The following ATP2B1 variants were observed in gnomAD, a reference collection of about 807,000 sequenced individuals.
The protein encoded by ATP2B1 is ATPase plasma membrane Ca2+ transporting 1.
A neutral mutation model predicts 124.2 loss-of-function variants in ATP2B1; 14 were observed. The ratio of observed to expected loss-of-function variants is 0.11; its 90% confidence interval spans 0.07 to 0.18. ATP2B1 has a LOEUF of 0.18. Ranked by LOEUF, ATP2B1 falls within the 10% of genes least tolerant of loss-of-function variation. ATP2B1 has a pLI of 1.00. For missense variants in ATP2B1, 763 were observed against 1,466.1 expected, an observed-to-expected ratio of 0.52 and a Z score of 7.83; for synonymous variants, 449 against 492.4, an observed-to-expected ratio of 0.91 and a Z score of 1.17.
intron 1 of ATP2B1, among the ~76,000 whole-genome samples, chr12:89,698,167 C>T (rs956308283): frequency 1.3e-5 from 2 of 152,174 alleles, no homozygotes; most frequent in African/African-American, 2.4e-5. Context: ...AACACAAATG[C>T]TTCCTAAAGT....
intron 15 of ATP2B1, among the ~76,000 whole-genome samples, chr12:89,607,318 G>A (rs899539157): frequency 3.9e-5 from 6 of 152,058 alleles, no homozygotes; most frequent in East Asian, 1.9e-4. Context: ...TACATAATTC[G>A]CTGATGAATG....
intron 1 of ATP2B1, among the ~76,000 whole-genome samples, chr12:89,661,362 G>C (rs1886675908): frequency 6.6e-6 from 1 of 152,066 alleles, no homozygotes; most frequent in South Asian, 2.1e-4. Context: ...TGGTTACAAA[G>C]CAAAGAATTC....
At chr12:89,610,950 A>G (rs1209950626) in intron 13 of ATP2B1, among the ~76,000 whole-genome samples, 1 of 152,132 alleles carries the variant, frequency 6.6e-6, no homozygotes, top group Non-Finnish European at 1.5e-5. Flanking sequence ...AAATTGGCCT[A>G]GATTCACTGC....
chr12:89,660,368 C>A (rs1483948445), intron 1 of ATP2B1, among the ~76,000 whole-genome samples: 1 of 152,142 alleles, frequency 6.6e-6, no homozygotes, highest in Non-Finnish European at 1.5e-5. Flanking sequence ...AGTATGGCCT[C>A]TTACATTTAA....
intron 1 of ATP2B1, among the ~76,000 whole-genome samples, chr12:89,673,787 T>C (rs1888279776): frequency 6.6e-6 from 1 of 152,156 alleles, no homozygotes; most frequent in Non-Finnish European, 1.5e-5. Flanking sequence ...ATGAGGTAAT[T>C]AGGAAATGTT....
chr12:89,608,976 A>G (rs1392476511), intron 15 of ATP2B1, among the ~76,000 whole-genome samples: 1 of 152,196 alleles, frequency 6.6e-6, no homozygotes, highest in Non-Finnish European at 1.5e-5. Flanking sequence ...AAATTTACCC[A>G]TAATTTCCTT....
chr12:89,666,710 C>T (rs1887355610), intron 1 of ATP2B1, among the ~76,000 whole-genome samples: 1 of 152,190 alleles, frequency 6.6e-6, no homozygotes, highest in South Asian at 2.1e-4. Context: ...GTTCTTAGTT[C>T]CATCAGAATT....
intron 3 of ATP2B1, among the ~76,000 whole-genome samples, chr12:89,637,034 G>A (rs1277839585): frequency 1.3e-5 from 2 of 152,208 alleles, no homozygotes; most frequent in African/African-American, 4.8e-5. Flanking sequence ...AGAATCAGAT[G>A]ATAGAACACC....
At chr12:89,595,950 C>T (rs1874508894) in intron 20 of ATP2B1, among the ~76,000 whole-genome samples, 1 of 152,058 alleles carries the variant, frequency 6.6e-6, no homozygotes, top group Non-Finnish European at 1.5e-5. Flanking sequence ...ATCTGCTCCC[C>T]TAGCCACATG....
chr12:89,627,631 G>C (rs756263859), intron 7 of ATP2B1, 47 bp downstream of exon 7: 2 of 1,589,342 alleles, frequency 1.3e-6, no homozygotes, highest in Non-Finnish European at 1.7e-6. Context: ...TAGATTTTTG[G>C]ATATAATGAA....
intron 5 of ATP2B1, among the ~76,000 whole-genome samples, chr12:89,633,059 G>T (rs774866751): frequency 6.6e-6 from 1 of 152,190 alleles, no homozygotes; most frequent in Non-Finnish European, 1.5e-5. Flanking sequence ...TGGTTAATCT[G>T]TGATGGTAAG....
chr12:89,677,965 TATATATACACACACACACACACACACAC>T lies in ATP2B1; in HGVS notation c.-221-21886_-221-21859del, dbSNP rs779937067. Among the ~76,000 whole-genome samples, 14 of 112,078 alleles carry T rather than the reference TATATATACACACACACACACACACACAC, an allele frequency of 1.2e-4. 1 individual carries two copies. Among genetic ancestry groups the T allele is most frequent in the Admixed American group, 1.8e-4 (2 of 11,312 alleles). 73.5% of individuals were successfully genotyped at this position (112,078 alleles called of 152,430 possible). ...GGGGCATGCAGGAATTATATATATA[TATATATACACACACACACACACACACAC>T]ACACACACACACACACACACACACA... is the stretch of plus-strand genomic sequence containing the variant. On this transcript the variant is annotated intron_variant, in intron 1 of 20. Coordinates refer to ENST00000428670, the MANE Select transcript of ATP2B1 (RefSeq NM_001366521.1).
At chr12:89,699,426 A>G (rs1332794060) in intron 1 of ATP2B1, among the ~76,000 whole-genome samples, 1 of 152,248 alleles carries the variant, frequency 6.6e-6, no homozygotes, top group African/African-American at 2.4e-5. Flanking sequence ...CGTCAAAATG[A>G]TGACAAAGTA....
At chr12:89,688,723 C>G (rs1890229165) in intron 1 of ATP2B1, among the ~76,000 whole-genome samples, 1 of 151,990 alleles carries the variant, frequency 6.6e-6, no homozygotes, top group Non-Finnish European at 1.5e-5. Flanking sequence ...GGGCTTTGAT[C>G]CTTACTGCAG....
chr12:89,625,978 CT>C (rs759510600), intron 8 of ATP2B1, among the ~76,000 whole-genome samples: 9 of 152,134 alleles, frequency 5.9e-5, no homozygotes, highest in Non-Finnish European at 8.8e-5. Context: ...TAAAGAATGG[CT>C]GTATTAACAG....
chr12:89,648,827 T>C (rs560683541), intron 2 of ATP2B1, among the ~76,000 whole-genome samples: 19 of 152,376 alleles, frequency 1.2e-4, no homozygotes, highest in Middle Eastern at 6.8e-3. Context: ...GGTGCAGCTG[T>C]CCTGCTCAGC....
chr12:89,614,785 A>G (rs2136033872), intron 12 of ATP2B1, among the ~76,000 whole-genome samples: 1 of 152,270 alleles, frequency 6.6e-6, no homozygotes, highest in South Asian at 2.1e-4. Context: ...ATCCAAACCC[A>G]ACATATTACT....
At chr12:89,682,653 C>T (rs1377767317) in intron 1 of ATP2B1, among the ~76,000 whole-genome samples, 1 of 152,146 alleles carries the variant, frequency 6.6e-6, no homozygotes, top group Non-Finnish European at 1.5e-5. Context: ...GACTACTGAA[C>T]AGTCATTCAA....
chr12:89,660,059 T>C lies in ATP2B1; in HGVS notation c.-221-3952A>G, dbSNP rs1389678902. ...CAGGTAAGACATGGAGTGCTAAAAA[T>C]GATTATTAATATTGTACATCAGCAT... is the stretch of plus-strand genomic sequence containing the variant. On this transcript the variant is annotated intron_variant, in intron 1 of 20. Transcript: ENST00000428670. 2.0e-5 allele frequency among the ~76,000 whole-genome samples: 3 copies of C among 151,796 alleles called. No individual in the cohort carries two copies. The East Asian group carries it at 5.8e-4, about 29-fold the overall frequency.
Sources: allele counts gnomAD v4.1 joint callset (sites outside exome capture counted in the v4.1 genomes callset), GRCh38; gene constraint gnomAD v4.1.1; transcripts MANE v1.5; gene names NCBI Gene and HGNC (gene_info 2026-07-23, HGNC 2026-07-21).